Variants in CNTN1 observed in about 807,000 individuals in gnomAD.
The protein encoded by CNTN1 is contactin-1.
A neutral mutation model predicts 126.4 loss-of-function variants in CNTN1; 38 were observed. The ratio of observed to expected loss-of-function variants is 0.30; its 90% CI spans 0.23 to 0.39. The LOEUF (loss-of-function observed/expected upper bound fraction) is 0.39. Ranked by LOEUF, CNTN1 falls within the 10% of genes least tolerant of loss-of-function variation. CNTN1 has a pLI of 1.00. For missense variants in CNTN1, 1,009 were observed against 1,248.4 expected (o/e 0.81, Z 2.89); for synonymous variants, 413 against 422.6 (o/e 0.98, Z 0.28).
At chr12:40,718,400 C>T (rs1401758664) in intron 1 of CNTN1, among the ~76,000 whole-genome samples, 4 of 151,868 alleles carry the variant, frequency 2.6e-5, no homozygotes, top group Non-Finnish European at 5.9e-5. Flanking sequence ...AGGATGGTCT[C>T]GATCTCCTGA....
intron 1 of CNTN1, among the ~76,000 whole-genome samples, chr12:40,869,799 T>C (rs1245423745): frequency 6.6e-6 from 1 of 152,160 alleles, no homozygotes; most frequent in Non-Finnish European, 1.5e-5. Flanking sequence ...AGTGAAGATA[T>C]TGGAATGGAA....
intron 1 of CNTN1, among the ~76,000 whole-genome samples, chr12:40,737,544 A>C (rs1347288572): frequency 2.0e-5 from 3 of 151,628 alleles, no homozygotes; most frequent in African/African-American, 7.3e-5. Context: ...GTAGGCTGGG[A>C]GGCTAGGCCA....
chr12:41,000,142 A>G lies in CNTN1; in HGVS notation c.2113+6873A>G, dbSNP rs953489882. On this transcript the variant is annotated intron_variant, in intron 17 of 23. Coordinates refer to ENST00000551295, the MANE Select transcript of CNTN1 (RefSeq NM_001843.4). ...TAAAATGGAAAGAGATATTCAATCTAATTTAAACATACTCCATTTTTAGGT... is the reference window on the plus strand; with the variant it reads ...TAAAATGGAAAGAGATATTCAATCTGATTTAAACATACTCCATTTTTAGGT... Among the ~76,000 whole-genome samples, 29 of 152,222 alleles carry G rather than the reference A, an allele frequency of 1.9e-4. 1 individual carries two copies. Among genetic ancestry groups the G allele is most frequent in the African/African-American group, 7.0e-4 (29 of 41,458 alleles).
Position 40,937,575 on chromosome 12 carries a change from T to G in CNTN1, c.1116T>G (p.His372Gln), listed in dbSNP as rs775391705. ...IRWLKNGYAY[H>Q]KGELRLYDVT... ...TTCAATTTTATTCTTTTCAGTATCA[T>G]AAAGGGGAATTAAGACTGTATGATG... Residue 372 changes from histidine to glutamine, a missense_variant, in exon 11 of 24, where the codon CAT becomes CAG. Physicochemically the swap from His to Gln is conservative, Grantham distance 24. Transcript: ENST00000551295. 5.1e-6 allele frequency: 8 copies of G among 1,580,640 alleles called. No homozygotes were observed. The highest frequency in any genetic ancestry group is 7.0e-6 in the Non-Finnish European group (8 of 1,149,710).
At chr12:41,025,724 C>G (rs893387080) in intron 21 of CNTN1, among the ~76,000 whole-genome samples, 2 of 152,192 alleles carry the variant, frequency 1.3e-5, no homozygotes, top group African/African-American at 4.8e-5. Context: ...AAACCTCTGT[C>G]ATTGCACAGT....
At chr12:40,772,831 A>G (rs1314183158) in intron 1 of CNTN1, among the ~76,000 whole-genome samples, 1 of 151,970 alleles carries the variant, frequency 6.6e-6, no homozygotes, top group African/African-American at 2.4e-5. Flanking sequence ...CTTCATTAGC[A>G]TGGGGACAGT....
intron 5 of CNTN1, 135 bp downstream of exon 5, chr12:40,922,563 T>A (rs1945483151): frequency 2.6e-6 from 2 of 777,508 alleles, no homozygotes; most frequent in South Asian, 2.9e-5. Flanking sequence ...ACCCTAATTG[T>A]GTAATGGAGA....
intron 3 of CNTN1, among the ~76,000 whole-genome samples, chr12:40,913,624 C>T (rs958997382): frequency 6.6e-6 from 1 of 152,094 alleles, no homozygotes; most frequent in Non-Finnish European, 1.5e-5. Context: ...ATACAAATAT[C>T]TCTGAAGTAC....
chr12:41,025,296 A>G lies in CNTN1; in HGVS notation c.2670A>G (p.Gly890=), dbSNP rs34346038. Residue 890 remains glycine, a synonymous_variant, in exon 21 of 24, where the codon GGA becomes GGG. Transcript: ENST00000551295. The stretch of plus-strand genomic sequence containing the variant: ...GGGCCTGCAATAGTGCAGGGTGTGG[A>G]CCTCCAAGTGACATGATTGAGGCTT... The part of the protein sequence containing the change: ...EVGACNSAGC[G]PPSDMIEAFT... 1.2e-6 allele frequency: 2 copies of G among 1,613,582 alleles called. No homozygotes were observed. The highest frequency in any genetic ancestry group is 1.3e-5 in the African/African-American group (1 of 74,984).
intron 23 of CNTN1, chr12:41,061,830 G>A (rs755558353): frequency 6.6e-6 from 3 of 455,692 alleles, no homozygotes; most frequent in South Asian, 1.6e-5. Context: ...CATGTCTTGA[G>A]CCCAAATATT....
intron 1 of CNTN1, among the ~76,000 whole-genome samples, chr12:40,804,420 T>C (rs1940767994): frequency 6.6e-6 from 1 of 152,058 alleles, no homozygotes; most frequent in Admixed American, 6.6e-5. Context: ...TTCGCAGTTG[T>C]TGTTTTGAAA....
intron 1 of CNTN1, among the ~76,000 whole-genome samples, chr12:40,860,979 A>C (rs1295593513): frequency 6.6e-6 from 1 of 152,104 alleles, no homozygotes; most frequent in Non-Finnish European, 1.5e-5. Flanking sequence ...CACTCAGGAA[A>C]TTCCAAAAGC....
chr12:40,851,264 T>G (rs1260523362), intron 1 of CNTN1, among the ~76,000 whole-genome samples: 1 of 152,238 alleles, frequency 6.6e-6, no homozygotes, highest in Non-Finnish European at 1.5e-5. Context: ...CGTCTCTAGT[T>G]TGTATATACT....
chr12:40,928,118 C>A (rs992168456), intron 6 of CNTN1, among the ~76,000 whole-genome samples: 7 of 152,048 alleles, frequency 4.6e-5, no homozygotes, highest in African/African-American at 1.7e-4. Flanking sequence ...AGTCCTTTCT[C>A]TGTAAGGAAA....
intron 14 of CNTN1, among the ~76,000 whole-genome samples, chr12:40,947,774 TATATATATAC>T (rs1946482767): frequency 1.2e-5 from 1 of 81,172 alleles, no homozygotes; most frequent in African/African-American, 4.9e-5. Context: ...CATATATATA[TATATATATAC>T]ACACACACAC....
intron 15 of CNTN1, 137 bp downstream of exon 15, chr12:40,959,371 C>A: frequency 1.1e-6 from 1 of 930,872 alleles, no homozygotes; most frequent in Non-Finnish European, 1.7e-6. Flanking sequence ...GGATCTTAAG[C>A]TTCTTCCCAT....
At chr12:40,889,720 G>A (rs1319995106) in intron 1 of CNTN1, among the ~76,000 whole-genome samples, 1 of 152,162 alleles carries the variant, frequency 6.6e-6, no homozygotes. Context: ...AGAACTGGCA[G>A]TGATCGTGGC....
At chr12:40,718,793 G>A (rs1942116080) in intron 1 of CNTN1, among the ~76,000 whole-genome samples, 1 of 152,112 alleles carries the variant, frequency 6.6e-6, no homozygotes, top group African/African-American at 2.4e-5. Context: ...ACATCTGATG[G>A]ACGTCACACC....
chr12:40,916,402 G>A (rs777898821), intron 3 of CNTN1, among the ~76,000 whole-genome samples: 24 of 152,134 alleles, frequency 1.6e-4, no homozygotes, highest in Non-Finnish European at 2.1e-4. Context: ...GAAAAATAGC[G>A]TATGATTTTT....
Sources: gnomAD v4.1 joint callset for allele counts (sites outside exome capture counted in the v4.1 genomes callset) on GRCh38, gnomAD v4.1.1 for gene constraint, MANE v1.5 for transcripts, NCBI Gene and HGNC (gene_info 2026-07-23, HGNC 2026-07-21) for gene names.